DOT1L: variants seen among roughly 807,000 people sequenced by gnomAD.
The protein encoded by DOT1L is histone-lysine N-methyltransferase, H3 lysine-79 specific.
In DOT1L, 33 loss-of-function variants were observed where a neutral mutation model predicts 153.3. That is an observed-to-expected ratio of 0.22 (90% CI 0.16 to 0.29). The LOEUF is 0.29. DOT1L is among the 10% of genes least tolerant of loss of function. DOT1L has a pLI of 1.00. For missense variants in DOT1L, 1,847 were observed against 2,119.9 expected (o/e 0.87, Z 2.53); for synonymous variants, 1,135 against 965.1 (o/e 1.18, Z -3.26).
Position 2,221,829 on chromosome 19 carries a change from G to A in DOT1L, c.2807-147G>A, listed in dbSNP as rs919078226. On this transcript the variant is annotated intron_variant, in intron 23 of 27. Transcript: ENST00000398665. ...CACAGAGCCTTCTGGTTCCACCCCA[G>A]AGGGGCCGTTTTCAGACTCCCAACC... The A allele has an allele frequency of 4.4e-5, 36 of 825,236 alleles. No individual in the cohort carries two copies. The African/African-American group carries it at 5.7e-4, about 13-fold the overall frequency. 51.1% of individuals were successfully genotyped at this position (825,236 alleles called of 1,614,324 possible).
rs2022803766 is a variant in DOT1L at position 2,191,715 on chromosome 19, C to T, written c.493+475C>T. Among the ~76,000 whole-genome samples, 1 of 152,096 alleles carries T rather than the reference C, an allele frequency of 6.6e-6. No homozygotes were observed. ...CCAGGTCCCTGGGCTCCCGGAGGCC[C>T]TCGCGCCCTCCCTGCATCCCCAGTC... On this transcript the variant is annotated intron_variant, in intron 5 of 27. Coordinates refer to ENST00000398665, the MANE Select transcript of DOT1L (RefSeq NM_032482.3). This position sits in a 1 kb window ranked among gnomAD's most constrained non-coding sequence, Gnocchi z 6.8.
chr19:2,175,312 T>C (rs1278083152), intron 1 of DOT1L, among the ~76,000 whole-genome samples: 1 of 152,088 alleles, frequency 6.6e-6, no homozygotes, highest in African/African-American at 2.4e-5. Flanking sequence ...ATATTTTGTA[T>C]CTTTTTAAGA....
At chr19:2,211,311 C>A in intron 15 of DOT1L, 99 bp downstream of exon 15, 2 of 1,093,284 alleles carry the variant, frequency 1.8e-6, no homozygotes, top group Non-Finnish European at 1.3e-6. Flanking sequence ...CCCCCGTGAC[C>A]TCCATGCTGG....
At chr19:2,209,054 G>A (rs2023612204) in intron 12 of DOT1L, 78 bp downstream of exon 12, 16 of 1,517,130 alleles carry the variant, frequency 1.1e-5, no homozygotes, top group African/African-American at 1.4e-5. Context: ...GTGCGCAGCC[G>A]GGTTCAGGAG....
Position 2,232,385 on chromosome 19 carries a change from A to C in DOT1L, c.*2593A>C, listed in dbSNP as rs2024643958. 1.1e-5 allele frequency: 2 copies of C among 179,904 alleles called. No individual in the cohort carries two copies. The highest frequency in any genetic ancestry group is 2.2e-5 in the Non-Finnish European group (2 of 89,456). The allele number at this position is 179,904 out of a possible 1,614,324, so 11.1% of individuals were successfully genotyped here. On this transcript the variant is annotated 3_prime_UTR_variant, in exon 28 of 28. Transcript: ENST00000398665. ...CCATCGTGGTCAGACCCCCCTCCCA[A>C]CACAACACGCTGCTGGTCTGTGTCA... is the stretch of plus-strand genomic sequence containing the variant.
chr19:2,166,710 C>T (rs981155111), intron 1 of DOT1L, among the ~76,000 whole-genome samples: 4 of 152,256 alleles, frequency 2.6e-5, no homozygotes, highest in Non-Finnish European at 4.4e-5. Flanking sequence ...CGCACCTGGC[C>T]TCACATTTAT....
intron 7 of DOT1L, among the ~76,000 whole-genome samples, chr19:2,198,779 A>G (rs1437704206): frequency 6.6e-6 from 1 of 152,096 alleles, no homozygotes; most frequent in Non-Finnish European, 1.5e-5. Flanking sequence ...CCTGTCCCGG[A>G]CATTTCACAG....
intron 2 of DOT1L, among the ~76,000 whole-genome samples, chr19:2,181,352 G>A (rs2022222479): frequency 6.6e-6 from 1 of 152,174 alleles, no homozygotes; most frequent in South Asian, 2.1e-4. Flanking sequence ...CTGGCGTCTT[G>A]CTGGTCTGTT....
rs1018959808 is a variant in DOT1L, at chr19:2,207,797, C to T, written c.963+117C>T. The T allele has an allele frequency of 1.9e-5, 18 of 944,342 alleles. No homozygotes were observed. The highest frequency in any genetic ancestry group is 1.6e-4 in the Admixed American group (6 of 37,926). 58.5% of individuals were successfully genotyped at this position (944,342 alleles called of 1,614,324 possible). On this transcript the variant is annotated intron_variant, in intron 11 of 27. Coordinates refer to ENST00000398665, the MANE Select transcript of DOT1L (RefSeq NM_032482.3). The surrounding 1 kb of genome is among the most constrained non-coding windows in gnomAD (Gnocchi z 4.5). The stretch of plus-strand genomic sequence containing the variant: ...GAGACCCTCCCCTCAGAGCCCTCAA[C>T]GCCCCCCGGCCCCTGAGCTCAGGCC...
At chr19:2,227,610 G>T (rs2024406908) in intron 27 of DOT1L, 14 of 1,077,084 alleles carry the variant, frequency 1.3e-5, no homozygotes, top group Non-Finnish European at 1.4e-5. Flanking sequence ...GCCGCTGCTT[G>T]TGCTTGGTGC....
chr19:2,194,677 G>GTTGGCACATGGCTA (rs1568343550), intron 7 of DOT1L, 100 bp downstream of exon 7: 3 of 1,335,920 alleles, frequency 2.2e-6, no homozygotes, highest in Non-Finnish European at 3.1e-6. Context: ...GCACATGGCT[G>GTTGGCACATGGCTA]TTGGCACATG....
intron 2 of DOT1L, among the ~76,000 whole-genome samples, chr19:2,182,247 A>C (rs1424915396): frequency 6.6e-6 from 1 of 151,642 alleles, no homozygotes; most frequent in Non-Finnish European, 1.5e-5. Flanking sequence ...TAAATAAATA[A>C]ATAAATAATG....
chr19:2,218,293 G>A (rs998483699), intron 22 of DOT1L, among the ~76,000 whole-genome samples: 5 of 152,348 alleles, frequency 3.3e-5, no homozygotes, highest in East Asian at 1.9e-4. Context: ...AGAGAATCTC[G>A]TCTTGTGTAG....
rs1473561924 is a variant in DOT1L at position 2,230,588 on chromosome 19, G to C, written c.*796G>C. ...CAGCATGCCCTGCGATGCGGGGCAG[G>C]CCTGTCGTGGGTCCCTTGGTGTTTC... On this transcript the variant is annotated 3_prime_UTR_variant, in exon 28 of 28. Coordinates refer to ENST00000398665, the MANE Select transcript of DOT1L (RefSeq NM_032482.3). 1 of 398,712 alleles carries C rather than the reference G, an allele frequency of 2.5e-6. No individual in the cohort carries two copies. The highest frequency in any genetic ancestry group is 4.4e-5 in the Admixed American group (1 of 22,746). The allele number at this position is 398,712 out of a possible 1,614,324, so 24.7% of individuals were successfully genotyped here.
chr19:2,180,696 T>G lies in DOT1L; in HGVS notation c.82-17T>G, dbSNP rs1215186860. On this transcript the variant is annotated splice_polypyrimidine_tract_variant and intron_variant, in intron 1 of 27. Transcript: ENST00000398665. ...TGGAGGATGGCTCTGCGTCTCAAAC[T>G]TCTCTCTCTGTTTCAGGATAAACAT... is the stretch of plus-strand genomic sequence containing the variant. 2 of 1,613,846 alleles carry G rather than the reference T, an allele frequency of 1.2e-6. No individual in the cohort carries two copies. Among genetic ancestry groups the G allele is most frequent in the Non-Finnish European group, 1.7e-6 (2 of 1,179,994 alleles).
rs771770586 is a variant in DOT1L, at chr19:2,207,767, C to A, written c.963+87C>A. On this transcript the variant is annotated intron_variant, in intron 11 of 27. Transcript: ENST00000398665. The surrounding 1 kb of genome is among the most constrained non-coding windows in gnomAD (Gnocchi z 4.5). Reference sequence around the variant, plus strand: ...CACTGCTCTCTCCTTTCTCATGTGGCCTCTGAGACCCTCCCCTCAGAGCCC... The same window carrying A: ...CACTGCTCTCTCCTTTCTCATGTGGACTCTGAGACCCTCCCCTCAGAGCCC... 10 of 1,212,884 alleles carry A rather than the reference C, an allele frequency of 8.2e-6. No individual in the cohort carries two copies. The highest frequency in any genetic ancestry group is 1.1e-5 in the Non-Finnish European group (10 of 875,336). The allele number at this position is 1,212,884 out of a possible 1,614,324, so 75.1% of individuals were successfully genotyped here.
chr19:2,180,105 G>C (rs2022158364), intron 1 of DOT1L, among the ~76,000 whole-genome samples: 1 of 152,168 alleles, frequency 6.6e-6, no homozygotes, highest in Non-Finnish European at 1.5e-5. Flanking sequence ...AAGGACCTTG[G>C]TTTTAGTTGT....
chr19:2,199,976 G>T, intron 8 of DOT1L, 37 bp downstream of exon 8: 1 of 1,608,858 alleles, frequency 6.2e-7, no homozygotes, highest in South Asian at 1.1e-5. Context: ...CATGTGGGGT[G>T]TGCGCTCACA....
chr19:2,231,880 G>A lies in DOT1L; in HGVS notation c.*2088G>A. Reference sequence around the variant, plus strand: ...CCCACGCAGGCCACCGTATGTTCAGGACACGCACTGGGTCTCAGAGCCACT... The same window carrying A: ...CCCACGCAGGCCACCGTATGTTCAGAACACGCACTGGGTCTCAGAGCCACT... On this transcript the variant is annotated 3_prime_UTR_variant, in exon 28 of 28. Coordinates refer to ENST00000398665, the MANE Select transcript of DOT1L (RefSeq NM_032482.3). 1 of 220,352 alleles carries A rather than the reference G, an allele frequency of 4.5e-6. No homozygotes were observed. 13.6% of individuals were successfully genotyped at this position (220,352 alleles called of 1,614,324 possible).
Sources: gnomAD v4.1 joint callset for allele counts (sites outside exome capture counted in the v4.1 genomes callset) on GRCh38, gnomAD v4.1.1 for gene constraint, Gnocchi (gnomAD v3.1) non-coding constraint, MANE v1.5 for transcripts, NCBI Gene and HGNC (gene_info 2026-07-23, HGNC 2026-07-21) for gene names.